MSRB3: variants seen among roughly 807,000 people sequenced by gnomAD.
MSRB3 encodes methionine sulfoxide reductase B3, also known as methionine-R-sulfoxide reductase B3.
In MSRB3, 13 loss-of-function variants were observed where a neutral mutation model predicts 21.0. The observed-to-expected ratio is 0.62, with a 90% CI of 0.40 to 0.98. The LOEUF is 0.98. Ranked by LOEUF, MSRB3 falls within the 50% of genes least tolerant of loss-of-function variation. The probability of loss-of-function intolerance (pLI) is 0.00; values close to 1 mark genes in which losing one functional copy is unlikely to be tolerated. For missense variants in MSRB3, 199 were observed against 230.3 expected, an observed-to-expected ratio of 0.86 and a Z score of 0.88; for synonymous variants, 87 against 88.6, an observed-to-expected ratio of 0.98 and a Z score of 0.10.
intron 5 of MSRB3, among the ~76,000 whole-genome samples, chr12:65,414,575 G>A (rs904039742): frequency 6.6e-6 from 1 of 152,158 alleles, no homozygotes; most frequent in Non-Finnish European, 1.5e-5. Flanking sequence ...TGTAGTCGAG[G>A]TGTGTAGCAG....
intron 1 of MSRB3, among the ~76,000 whole-genome samples, chr12:65,292,451 A>C (rs774405862): frequency 2.0e-5 from 3 of 152,100 alleles, no homozygotes; most frequent in African/African-American, 4.8e-5. Context: ...CGTCATCATC[A>C]TCATCATCAT....
intron 6 of MSRB3, among the ~76,000 whole-genome samples, chr12:65,460,415 C>T (rs1244808348): frequency 6.6e-6 from 1 of 152,218 alleles, no homozygotes. Context: ...ACTAGGTTTA[C>T]CTGGGAGGAG....
intron 4 of MSRB3, among the ~76,000 whole-genome samples, chr12:65,354,595 T>G (rs1177826412): frequency 6.6e-6 from 1 of 151,954 alleles, no homozygotes; most frequent in Admixed American, 6.6e-5. Context: ...TAAGGACTTC[T>G]CGGCATTGGT....
intron 5 of MSRB3, among the ~76,000 whole-genome samples, chr12:65,407,686 T>C (rs564406852): frequency 6.6e-6 from 1 of 152,314 alleles, no homozygotes; most frequent in South Asian, 2.1e-4. Context: ...ATTAAATAAA[T>C]GTGACACCCC....
chr12:65,382,588 A>C (rs1159906187), intron 5 of MSRB3, among the ~76,000 whole-genome samples: 1 of 151,846 alleles, frequency 6.6e-6, no homozygotes, highest in Admixed American at 6.6e-5. Flanking sequence ...CAATTATACT[A>C]CTTAGGAATT....
chr12:65,398,237 G>A (rs2136595571), intron 5 of MSRB3, among the ~76,000 whole-genome samples: 1 of 152,260 alleles, frequency 6.6e-6, no homozygotes, highest in Non-Finnish European at 1.5e-5. Flanking sequence ...CAGTGTAAAA[G>A]CATTCCTATT....
intron 1 of MSRB3, chr12:65,286,801 AGG>A (rs1872377744): frequency 6.6e-6 from 1 of 151,692 alleles, no homozygotes; most frequent in South Asian, 2.1e-4. Context: ...GGATCACTTG[AGG>A]CCAGGAGGTC....
chr12:65,456,809 G>T (rs1459495737), intron 6 of MSRB3, among the ~76,000 whole-genome samples: 1 of 152,216 alleles, frequency 6.6e-6, no homozygotes, highest in African/African-American at 2.4e-5. Context: ...TGAGGTTCCA[G>T]CACTAACGAA....
At chr12:65,434,574 G>A (rs1028040244) in intron 5 of MSRB3, among the ~76,000 whole-genome samples, 17 of 151,810 alleles carry the variant, frequency 1.1e-4, no homozygotes, top group Non-Finnish European at 8.8e-5. Flanking sequence ...ATTAATAAGC[G>A]TTGGGACTTG....
intron 6 of MSRB3, among the ~76,000 whole-genome samples, chr12:65,461,743 A>G (rs1023081824): frequency 6.6e-6 from 1 of 152,172 alleles, no homozygotes; most frequent in African/African-American, 2.4e-5. Flanking sequence ...CTTGAAACTT[A>G]TAAGTGTTTT....
At chr12:65,419,480 C>T (rs1333915872) in intron 5 of MSRB3, 23 of 741,630 alleles carry the variant, frequency 3.1e-5, no homozygotes, top group South Asian at 7.0e-5. Flanking sequence ...CCATAGATGT[C>T]GCTCTCCACA....
intron 4 of MSRB3, among the ~76,000 whole-genome samples, chr12:65,355,108 A>T (rs578255391): frequency 2.6e-5 from 4 of 151,980 alleles, no homozygotes; most frequent in Admixed American, 1.3e-4. Flanking sequence ...AAACTTTAGA[A>T]AAGGAGATTA....
chr12:65,430,464 A>G (rs1881823673), intron 5 of MSRB3, among the ~76,000 whole-genome samples: 1 of 152,188 alleles, frequency 6.6e-6, no homozygotes, highest in Non-Finnish European at 1.5e-5. Context: ...ACAGCCTGTT[A>G]CTAGAAAAGA....
At chr12:65,442,595 T>C (rs1365895541) in intron 5 of MSRB3, among the ~76,000 whole-genome samples, 1 of 152,110 alleles carries the variant, frequency 6.6e-6, no homozygotes, top group African/African-American at 2.4e-5. Context: ...TCCTGTCTGA[T>C]GTAGCTAATA....
At chr12:65,332,172 T>C (rs749692393) in intron 4 of MSRB3, among the ~76,000 whole-genome samples, 3 of 152,162 alleles carry the variant, frequency 2.0e-5, no homozygotes, top group Non-Finnish European at 2.9e-5. Flanking sequence ...CAAAATTCTT[T>C]TAGGGGTTCA....
intron 4 of MSRB3, among the ~76,000 whole-genome samples, chr12:65,333,540 A>T (rs971032136): frequency 1.3e-5 from 2 of 152,188 alleles, no homozygotes; most frequent in Non-Finnish European, 2.9e-5. Context: ...AAGGTGGGTT[A>T]TGTTGGGAGT....
At chr12:65,343,783 C>A (rs192353569) in intron 4 of MSRB3, among the ~76,000 whole-genome samples, 2 of 152,128 alleles carry the variant, frequency 1.3e-5, no homozygotes, top group East Asian at 3.9e-4. Flanking sequence ...ATAATGCTTC[C>A]CTGTATTCTG....
At chr12:65,308,464 A>G (rs1873786657) in intron 1 of MSRB3, 65 bp from the exon 2 acceptor site, 1 of 1,571,762 alleles carries the variant, frequency 6.4e-7, no homozygotes, top group Non-Finnish European at 8.6e-7. Flanking sequence ...CAGTTGTGCA[A>G]TGAATGTGTT....
At chr12:65,339,797 A>G (rs1308366843) in intron 4 of MSRB3, among the ~76,000 whole-genome samples, 2 of 152,206 alleles carry the variant, frequency 1.3e-5, no homozygotes, top group East Asian at 3.8e-4. Flanking sequence ...ATGGGGGCAA[A>G]CAAAAGATAG....
Sources: allele counts gnomAD v4.1 joint callset (sites outside exome capture counted in the v4.1 genomes callset), GRCh38; gene constraint gnomAD v4.1.1; transcripts MANE v1.5; gene names NCBI Gene and HGNC (gene_info 2026-07-23, HGNC 2026-07-21).